The following ZSCAN10 variants were observed in gnomAD, a reference collection of about 807,000 sequenced individuals.
ZSCAN10 encodes zinc finger and SCAN domain containing 10.
A neutral mutation model predicts 63.7 loss-of-function variants in ZSCAN10; 52 were observed. The observed-to-expected ratio is 0.82, with a 90% confidence interval of 0.65 to 1.03. The LOEUF (loss-of-function observed/expected upper bound fraction) is 1.03, where lower values mean the gene tolerates loss of function less well. ZSCAN10 is among the 50% of genes least tolerant of loss of function. The pLI, the probability that ZSCAN10 is intolerant of heterozygous loss-of-function variation, is 0.00. For synonymous variants in ZSCAN10, 544 were observed against 479.6 expected, an observed-to-expected ratio of 1.13 and a Z score of -1.76; for missense variants, 1,223 against 1,103.8, an observed-to-expected ratio of 1.11 and a Z score of -1.53.
intron 1 of ZSCAN10, among the ~76,000 whole-genome samples, chr16:3,095,825 C>T (rs1409857960): frequency 3.3e-4 from 39 of 118,986 alleles, no homozygotes; most frequent in Non-Finnish European, 4.7e-4. Context: ...CAGACTCCAT[C>T]TCAAAAAAAA....
In ZSCAN10 at chr16:3,089,651, G is replaced by A. The variant is rs994679568; in HGVS notation, c.1783C>T (p.Arg595Cys). 2 of 1,590,994 alleles carry A rather than the reference G, an allele frequency of 1.3e-6. No individual in the cohort carries two copies. Among genetic ancestry groups the A allele is most frequent in the South Asian group, 2.3e-5 (2 of 88,592 alleles). The change falls in exon 6 of 6, where the codon CGC becomes TGC. Residue 595 changes from arginine (R) to cysteine (C), a missense_variant. Arg to Cys is a radical substitution (Grantham distance 180, BLOSUM62 -3). Coordinates refer to ENST00000576985, the MANE Select transcript of ZSCAN10 (RefSeq NM_032805.3). The stretch of plus-strand genomic sequence containing the variant: ...GGGCCACCGTGGGTCAGCAGGTGGC[G>A]GGCAAGGCTGGCCCGGCGCACAAAG... ...KRFVRRASLA[R>C]HLLTHGGPRP... is the part of the protein sequence containing the mutation.
intron 5 of ZSCAN10, 88 bp downstream of exon 5, chr16:3,091,452 G>T: frequency 1.4e-6 from 2 of 1,453,086 alleles, no homozygotes; most frequent in South Asian, 1.2e-5. Context: ...AGACTAGCCT[G>T]GGCAACATAG....
At chr16:3,091,492 A>C (rs769092479) in intron 5 of ZSCAN10, 48 bp downstream of exon 5, 38 of 1,597,278 alleles carry the variant, frequency 2.4e-5, no homozygotes. Context: ...AAAAGACAAG[A>C]AAAGAAAGAG....
chr16:3,095,514 C>CAAA (rs35286530), intron 1 of ZSCAN10, among the ~76,000 whole-genome samples: 3,100 of 132,364 alleles, frequency 0.023, 126 homozygotes, highest in African/African-American at 0.08. Context: ...GACTCCGTCT[C>CAAA]AAAAAAAAAA....
rs1386507317 is a variant in ZSCAN10, at chr16:3,089,834, T to C, written c.1600A>G (p.Ser534Gly). 6.4e-7 allele frequency: 1 copy of C among 1,559,750 alleles called. No individual in the cohort carries two copies. The highest frequency in any genetic ancestry group is 8.6e-7 in the Non-Finnish European group (1 of 1,159,248). The change falls in exon 6 of 6, where the codon AGC (serine) becomes GGC (glycine). Residue 534 changes from serine (S) to glycine (G), a missense_variant. By Grantham distance (56) the Ser-to-Gly change is moderately conservative. Transcript: ENST00000576985. ...CTCCGGTGGGCCACCAGGTGCTCGC[T>C]GCGCCGGAAGGCCTTGCCGCAGTCG... ...CSDCGKAFRR[S>G]EHLVAHRRVH...
At chr16:3,099,012 G>A (rs936248154) in intron 1 of ZSCAN10, among the ~76,000 whole-genome samples, 178 bp downstream of exon 1, 2 of 152,172 alleles carry the variant, frequency 1.3e-5, no homozygotes, top group East Asian at 1.9e-4. Context: ...CCCCCATCGC[G>A]ACAGGTCCAC....
chr16:3,091,694 G>C, intron 4 of ZSCAN10, 70 bp downstream of exon 4: 1 of 1,606,868 alleles, frequency 6.2e-7, no homozygotes, highest in Non-Finnish European at 8.5e-7. Context: ...GGAAGGTATG[G>C]ATTTGCTAAA....
intron 5 of ZSCAN10, 33 bp from the exon 6 acceptor site, chr16:3,090,679 C>A (rs370121979): frequency 6.7e-5 from 101 of 1,500,888 alleles, no homozygotes; most frequent in Non-Finnish European, 8.8e-5. Flanking sequence ...GACGGTCAGG[C>A]CTATTCCCAG....
rs1490770948 is a variant in ZSCAN10, at chr16:3,092,766, G to A, written c.172C>T (p.Pro58Ser). 6.2e-7 allele frequency: 1 copy of A among 1,605,100 alleles called. No individual in the cohort carries two copies. Among genetic ancestry groups the A allele is most frequent in the Non-Finnish European group, 8.5e-7 (1 of 1,176,198 alleles). The change falls in exon 2 of 6, where the codon CCA becomes TCA. Residue 58 changes from proline (P) to serine (S), a missense_variant. Transcript: ENST00000576985. ...CGGAGCCGGCTCAGGGACGCCCGTG[G>A]CCCCATGTCCTCCTGATACTGGAAG... ...RCFQYQEDMGPRASLSRLREL... is the reference protein window; with the variant it reads ...RCFQYQEDMGSRASLSRLREL...
At chr16:3,097,043 G>A (rs1957161545) in intron 1 of ZSCAN10, among the ~76,000 whole-genome samples, 1 of 151,830 alleles carries the variant, frequency 6.6e-6, no homozygotes, top group South Asian at 2.1e-4. Context: ...GTTGCAGTGA[G>A]CTGAGATTGC....
Position 3,092,007 on chromosome 16 carries a change from G to A in ZSCAN10, c.664+42C>T, listed in dbSNP as rs200755766. ...CCACCCCAGACATCCAGGCCCCTCC[G>A]CGACACCCAGTCCTTGGCCTCCTAG... On this transcript the variant is annotated intron_variant, in intron 3 of 5. Transcript: ENST00000576985. The A allele has an allele frequency of 4.2e-4, 657 of 1,551,216 alleles. 1 individual carries two copies. The highest frequency in any genetic ancestry group is 5.1e-4 in the Non-Finnish European group (589 of 1,148,104).
chr16:3,092,589 G>GCAC lies in ZSCAN10; in HGVS notation c.346_348dup (p.Val116dup). 6.3e-7 allele frequency: 1 copy of GCAC among 1,588,910 alleles called. No homozygotes were observed. The highest frequency in any genetic ancestry group is 1.8e-5 in the Admixed American group (1 of 56,218). On this transcript the variant is annotated inframe_insertion, in exon 2 of 6. Transcript: ENST00000576985. Reference sequence around the variant, plus strand: ...TCCCGGTGGATGCCCTCGAGCAGCAGCACCACCTCCTCCCCATCCCTGAGC... The same window carrying GCAC: ...TCCCGGTGGATGCCCTCGAGCAGCAGCACCACCACCTCCTCCCCATCCCTGAGC...
intron 1 of ZSCAN10, among the ~76,000 whole-genome samples, chr16:3,098,452 C>G (rs1299633729): frequency 6.6e-6 from 1 of 152,094 alleles, no homozygotes; most frequent in East Asian, 1.9e-4. Flanking sequence ...TTTTCCTAGC[C>G]TTAGCCGAAA....
rs367824847 is a variant in ZSCAN10 at position 3,089,273 on chromosome 16, C to T, written c.2161G>A (p.Glu721Lys). 1.1e-5 allele frequency: 17 copies of T among 1,565,310 alleles called. No homozygotes were observed. Among genetic ancestry groups the T allele is most frequent in the African/African-American group, 1.4e-5 (1 of 73,394 alleles). ...CACTCCACGCACTCCTGCGGGGGCT[C>T]GGCCTGCTCCTGCCCGGGCTCCGCA... ...THAEPGQEQA[E>K]PPQECVECGK... is the part of the protein sequence containing the mutation. Residue 721 changes from glutamate (E) to lysine (K), a missense_variant, in exon 6 of 6, where the codon GAG (glutamate) becomes AAG (lysine). Physicochemically the swap from Glu to Lys is moderately conservative, Grantham distance 56. Coordinates refer to ENST00000576985, the MANE Select transcript of ZSCAN10 (RefSeq NM_032805.3).
At chr16:3,091,734 G>C (rs1036992987) in intron 4 of ZSCAN10, 30 bp downstream of exon 4, 2 of 1,582,608 alleles carry the variant, frequency 1.3e-6, no homozygotes, top group Non-Finnish European at 1.7e-6. Flanking sequence ...CCTGGGGCTT[G>C]AGGACACCCT....
At chr16:3,098,667 G>A (rs1957185605) in intron 1 of ZSCAN10, among the ~76,000 whole-genome samples, 2 of 152,064 alleles carry the variant, frequency 1.3e-5, no homozygotes, top group Non-Finnish European at 2.9e-5. Flanking sequence ...TCTGTTGGGG[G>A]TGGGCTGGGT....
In ZSCAN10 at chr16:3,090,506, G is replaced by A. The variant is rs749893154; in HGVS notation, c.928C>T (p.Arg310Trp). 2.4e-5 allele frequency: 38 copies of A among 1,613,094 alleles called. No homozygotes were observed. In the East Asian group the frequency reaches 6.0e-4, roughly 26 times the overall value. The stretch of plus-strand genomic sequence containing the variant: ...CCAGGGCCGCTAGCCGCAGCGCCCC[G>A]TCCGAGCGACTGGGCGCAAGGCTCT... ...PGEPCAQSLG[R>W]GAAASGPGED... The change falls in exon 6 of 6, where the codon CGG (arginine) becomes TGG (tryptophan). Residue 310 changes from arginine to tryptophan, a missense_variant. Arg to Trp is a moderately radical substitution (Grantham distance 101, BLOSUM62 -3). Transcript: ENST00000576985.
In ZSCAN10 at chr16:3,089,777, G is replaced by T; in HGVS notation, c.1657C>A (p.Gln553Lys). 1 of 1,595,578 alleles carries T rather than the reference G, an allele frequency of 6.3e-7. No individual in the cohort carries two copies. The highest frequency in any genetic ancestry group is 8.5e-7 in the Non-Finnish European group (1 of 1,177,608). ...TGCGTGAAGCTGCGGCCGCAAGCCTGGCAGGAGAAGGGCCGCTCGCCCGTG... is the reference window on the plus strand; with the variant it reads ...TGCGTGAAGCTGCGGCCGCAAGCCTTGCAGGAGAAGGGCCGCTCGCCCGTG... ...VHTGERPFSC[Q>K]ACGRSFTQSS... The change falls in exon 6 of 6, where the codon CAG (glutamine) becomes AAG (lysine). Residue 553 changes from glutamine to lysine, a missense_variant. Transcript: ENST00000576985.
At chr16:3,097,542 T>G (rs955141095) in intron 1 of ZSCAN10, among the ~76,000 whole-genome samples, 1 of 152,086 alleles carries the variant, frequency 6.6e-6, no homozygotes, top group Admixed American at 6.5e-5. Flanking sequence ...GAAGACAAAG[T>G]GAGAAATCCA....
Sources: allele counts gnomAD v4.1 joint callset (sites outside exome capture counted in the v4.1 genomes callset), GRCh38; gene constraint gnomAD v4.1.1; transcripts MANE v1.5; gene names NCBI Gene and HGNC (gene_info 2026-07-23, HGNC 2026-07-21).